Variants in ACSF3 observed in about 807,000 individuals in gnomAD.
The protein encoded by ACSF3 is malonate--CoA ligase ACSF3, mitochondrial.
Under a neutral mutation model 53.2 loss-of-function variants are expected in ACSF3, and 78 were observed. That is an observed-to-expected ratio of 1.47 (90% confidence interval 1.22 to 1.77). The LOEUF (loss-of-function observed/expected upper bound fraction) is 1.77, where lower values mean the gene tolerates loss of function less well. Among genes scored for constraint, ACSF3 ranks in the 40% most tolerant of loss-of-function variants. ACSF3 has a pLI of 0.00. For missense variants in ACSF3, 937 were observed against 771.1 expected (o/e 1.22, Z -2.55); for synonymous variants, 414 against 333.1 (o/e 1.24, Z -2.65).
chr16:89,115,792 T>C (rs1003875573), intron 6 of ACSF3, among the ~76,000 whole-genome samples: 2 of 152,242 alleles, frequency 1.3e-5, no homozygotes, highest in Non-Finnish European at 2.9e-5. Flanking sequence ...GATTCTCTCA[T>C]GATGGGTGGC....
At chr16:89,112,955 C>T (rs55756754) in intron 5 of ACSF3, among the ~76,000 whole-genome samples, 5,320 of 152,210 alleles carry the variant, frequency 0.035, 148 homozygotes, top group East Asian at 0.14. Flanking sequence ...CCTGGATAAA[C>T]CCCTCCCTCC....
intron 7 of ACSF3, among the ~76,000 whole-genome samples, chr16:89,124,889 C>G (rs4782437): frequency 6.6e-6 from 1 of 152,114 alleles, no homozygotes; most frequent in Non-Finnish European, 1.5e-5. Context: ...GGTCTACATA[C>G]AGGTTATCTG....
At chr16:89,099,250 A>G (rs1033818092) in intron 2 of ACSF3, among the ~76,000 whole-genome samples, 1 of 152,218 alleles carries the variant, frequency 6.6e-6, no homozygotes, top group African/African-American at 2.4e-5. Flanking sequence ...GCAGAATTGG[A>G]CCAGCCCTCA....
At chr16:89,136,394 G>A (rs775223354) in intron 8 of ACSF3, among the ~76,000 whole-genome samples, 10 of 152,254 alleles carry the variant, frequency 6.6e-5, no homozygotes, top group African/African-American at 2.2e-4. Flanking sequence ...GCTCTCGGGG[G>A]TAAGGCCTGG....
chr16:89,111,796 G>A (rs901494635), intron 4 of ACSF3, among the ~76,000 whole-genome samples: 1 of 152,150 alleles, frequency 6.6e-6, no homozygotes, highest in African/African-American at 2.4e-5. Context: ...GTGTACATCC[G>A]CCCTCTCTGT....
chr16:89,124,690 A>G (rs1321955444), intron 7 of ACSF3, among the ~76,000 whole-genome samples: 1 of 41,326 alleles, frequency 2.4e-5, no homozygotes, highest in Non-Finnish European at 5.3e-5. Context: ...ATATGCACAC[A>G]CTGCATGTGT....
chr16:89,146,419 C>T (rs562351681), intron 10 of ACSF3, among the ~76,000 whole-genome samples: 5 of 152,098 alleles, frequency 3.3e-5, no homozygotes, highest in African/African-American at 4.8e-5. Flanking sequence ...ACCAGCTGGC[C>T]GCACGCGCTG....
intron 8 of ACSF3, among the ~76,000 whole-genome samples, chr16:89,136,387 C>G (rs1425176228): frequency 6.6e-6 from 1 of 152,178 alleles, no homozygotes; most frequent in African/African-American, 2.4e-5. Flanking sequence ...TTAATTGGCT[C>G]TCGGGGGTAA....
At chr16:89,141,341 C>G (rs1281887754) in intron 8 of ACSF3, 11 of 1,265,886 alleles carry the variant, frequency 8.7e-6, no homozygotes, top group Non-Finnish European at 3.1e-6. Flanking sequence ...GCTGAGACTG[C>G]TCTGTGCTGA....
At chr16:89,142,186 C>T (rs963611344) in intron 8 of ACSF3, among the ~76,000 whole-genome samples, 13 of 152,200 alleles carry the variant, frequency 8.5e-5, no homozygotes, top group Non-Finnish European at 1.3e-4. Context: ...AGGGCTATCA[C>T]TGAGAAGCAG....
At chr16:89,143,540 T>A (rs1405969233) in intron 8 of ACSF3, among the ~76,000 whole-genome samples, 1 of 152,060 alleles carries the variant, frequency 6.6e-6, no homozygotes, top group Non-Finnish European at 1.5e-5. Context: ...GATTAAGAGA[T>A]GCTATTGGAA....
intron 4 of ACSF3, among the ~76,000 whole-genome samples, chr16:89,106,648 T>G (rs1427235568): frequency 6.6e-6 from 1 of 152,232 alleles, no homozygotes; most frequent in East Asian, 1.9e-4. Flanking sequence ...TGCAACTCTT[T>G]TCCATAAACT....
rs1482794101 is a variant in ACSF3, at chr16:89,112,154, A to G, written c.885A>G (p.Thr295=). The G allele has an allele frequency of 3.1e-6, 5 of 1,614,264 alleles. No individual in the cohort carries two copies. Among genetic ancestry groups the G allele is most frequent in the South Asian group, 1.1e-5 (1 of 91,086 alleles). The change falls in exon 5 of 11, where the codon ACA becomes ACG. Residue 295 remains threonine, a synonymous_variant. Coordinates refer to ENST00000614302, the MANE Select transcript of ACSF3 (RefSeq NM_001243279.3). ...PRINVFMAVP[T]IYTKLMEYYD... is the part of the protein sequence containing the mutation. ...TCAATGTCTTTATGGCAGTGCCTAC[A>G]ATATACACCAAGCTGATGGAGTACT...
At chr16:89,126,052 A>G (rs1218774903) in intron 7 of ACSF3, among the ~76,000 whole-genome samples, 2 of 152,274 alleles carry the variant, frequency 1.3e-5, no homozygotes, top group African/African-American at 4.8e-5. Flanking sequence ...ATCTGTGAAC[A>G]CGGTCTGTCT....
At chr16:89,105,812 A>C (rs1272503743) in intron 4 of ACSF3, among the ~76,000 whole-genome samples, 3 of 152,146 alleles carry the variant, frequency 2.0e-5, no homozygotes, top group Non-Finnish European at 4.4e-5. Context: ...AGCTGAGGGC[A>C]GGTTGGTTCC....
intron 10 of ACSF3, among the ~76,000 whole-genome samples, chr16:89,147,068 C>A (rs1913094901): frequency 1.3e-5 from 2 of 151,246 alleles, no homozygotes; most frequent in Admixed American, 1.3e-4. Context: ...CCTCAGGAAA[C>A]TTACAGTCAT....
rs12597637 is a variant in ACSF3 at position 89,155,387 on chromosome 16, G to A, written c.*1180G>A. 0.079 allele frequency: 35,899 copies of A among 452,242 alleles called. 3,742 individuals carry two copies. Among genetic ancestry groups the A allele is most frequent in the East Asian group, 0.35 (5,068 of 14,324 alleles). The allele number at this position is 452,242 out of a possible 1,614,324, so 28.0% of individuals were successfully genotyped here. On this transcript the variant is annotated 3_prime_UTR_variant, in exon 11 of 11. Transcript: ENST00000614302. The stretch of plus-strand genomic sequence containing the variant: ...TGACAGGAGACCAGCCCCATCTCAG[G>A]CTCACATGCCTCGCGGACAGTTGGA...
In ACSF3 at chr16:89,154,511, G is replaced by T; in HGVS notation, c.*304G>T. The T allele has an allele frequency of 3.6e-6, 2 of 555,388 alleles. No homozygotes were observed. Among genetic ancestry groups the T allele is most frequent in the Non-Finnish European group, 6.8e-6 (2 of 292,746 alleles). 34.4% of individuals were successfully genotyped at this position (555,388 alleles called of 1,614,324 possible). A position where few individuals can be genotyped will look rare whatever the true frequency, so the allele number is the denominator to read the frequency against. ...GCTGAGGCACCTCCCGCCCCACAGT[G>T]CCCTGCAGTTGCCAGGCTCTCCAGG... is the stretch of plus-strand genomic sequence containing the variant. On this transcript the variant is annotated 3_prime_UTR_variant, in exon 11 of 11. Coordinates refer to ENST00000614302, the MANE Select transcript of ACSF3 (RefSeq NM_001243279.3).
At chr16:89,149,923 C>G (rs1228252366) in intron 10 of ACSF3, 1 of 152,226 alleles carries the variant, frequency 6.6e-6, no homozygotes, top group East Asian at 1.9e-4. Context: ...CCCTGTCTAT[C>G]TGGGCATTTG....
Sources: gnomAD v4.1 joint callset for allele counts (sites outside exome capture counted in the v4.1 genomes callset) on GRCh38, gnomAD v4.1.1 for gene constraint, MANE v1.5 for transcripts, NCBI Gene and HGNC (gene_info 2026-07-23, HGNC 2026-07-21) for gene names.